The following CACNA2D3 variants were observed in gnomAD, a reference collection of about 807,000 sequenced individuals.
CACNA2D3 encodes the protein voltage-dependent calcium channel subunit alpha-2/delta-3.
CACNA2D3 carries 60 observed loss-of-function variants against 160.6 expected under a neutral mutation model. The ratio of observed to expected loss-of-function variants is 0.37; its 90% CI spans 0.30 to 0.46. The LOEUF (loss-of-function observed/expected upper bound fraction) is 0.46, where lower values mean the gene tolerates loss of function less well. Among genes scored for constraint, CACNA2D3 ranks in the 20% least tolerant of loss-of-function variants. CACNA2D3 has a pLI of 1.00. For missense variants in CACNA2D3, 1,205 were observed against 1,365.0 expected (o/e 0.88, Z 1.85); for synonymous variants, 558 against 492.9 (o/e 1.13, Z -1.75).
At chr3:54,871,658 C>A (rs1882317) in intron 18 of CACNA2D3, 36 bp downstream of exon 18, 1 of 1,502,806 alleles carries the variant, frequency 6.7e-7, no homozygotes, top group East Asian at 2.3e-5. Flanking sequence ...TGGAGAAGGA[C>A]CTGCATTGTA....
chr3:54,868,573 C>T (rs565377817), intron 17 of CACNA2D3, among the ~76,000 whole-genome samples: 78 of 152,232 alleles, frequency 5.1e-4, no homozygotes, highest in Admixed American at 9.1e-4. Context: ...GAATTCTCTG[C>T]TGATTCCACC....
chr3:54,928,073 A>C (rs115631296), intron 27 of CACNA2D3: 8,867 of 668,196 alleles, frequency 0.013, 84 homozygotes, highest in Middle Eastern at 0.02. Context: ...TGTTGCTTTC[A>C]AAAGACCATT....
chr3:54,900,138 A>G (rs996939381), intron 27 of CACNA2D3, among the ~76,000 whole-genome samples: 1 of 152,126 alleles, frequency 6.6e-6, no homozygotes, highest in Admixed American at 6.5e-5. Flanking sequence ...TGCCGAGGAG[A>G]ATTTCTTGAT....
intron 35 of CACNA2D3, among the ~76,000 whole-genome samples, chr3:55,032,652 C>T (rs983077599): frequency 1.3e-5 from 2 of 152,106 alleles, no homozygotes; most frequent in Non-Finnish European, 2.9e-5. Flanking sequence ...GTCACTTCCC[C>T]TCTTAGTTGC....
intron 11 of CACNA2D3, among the ~76,000 whole-genome samples, chr3:54,742,566 C>G (rs573475723): frequency 6.6e-6 from 1 of 152,288 alleles, no homozygotes; most frequent in African/African-American, 2.4e-5. Flanking sequence ...ACTTGTCCAC[C>G]CACTCAGCTC....
At chr3:54,652,155 G>A (rs1011963903) in intron 11 of CACNA2D3, among the ~76,000 whole-genome samples, 1 of 151,724 alleles carries the variant, frequency 6.6e-6, no homozygotes, top group Non-Finnish European at 1.5e-5. Context: ...CCACACGACC[G>A]TCACTCTGGC....
At chr3:54,748,850 T>C (rs1701806613) in intron 11 of CACNA2D3, among the ~76,000 whole-genome samples, 1 of 152,164 alleles carries the variant, frequency 6.6e-6, no homozygotes, top group Non-Finnish European at 1.5e-5. Flanking sequence ...GAAACTCCAG[T>C]TGTTGGAAAT....
chr3:54,866,238 G>A (rs113624801), intron 17 of CACNA2D3, among the ~76,000 whole-genome samples: 2 of 152,224 alleles, frequency 1.3e-5, no homozygotes, highest in Admixed American at 6.5e-5. Flanking sequence ...GAATGGATGA[G>A]TGAGTGAAGG....
chr3:54,550,320 T>C (rs547528860), intron 5 of CACNA2D3, among the ~76,000 whole-genome samples: 1 of 152,332 alleles, frequency 6.6e-6, no homozygotes, highest in East Asian at 1.9e-4. Flanking sequence ...GTGTGGTGTT[T>C]CCTTGCTGGG....
At chr3:54,147,743 ACT>A (rs1700062766) in intron 2 of CACNA2D3, among the ~76,000 whole-genome samples, 1 of 151,964 alleles carries the variant, frequency 6.6e-6, no homozygotes, top group African/African-American at 2.4e-5. Context: ...GTCCTGCTTG[ACT>A]CTGAGAGCCA....
intron 12 of CACNA2D3, among the ~76,000 whole-genome samples, chr3:54,756,814 G>A (rs1701979550): frequency 6.6e-6 from 1 of 152,150 alleles, no homozygotes; most frequent in Non-Finnish European, 1.5e-5. Flanking sequence ...GGAAATGAAT[G>A]TCTGGGGACA....
Position 55,007,953 on chromosome 3 carries a change from G to A in CACNA2D3, c.2819+111G>A, listed in dbSNP as rs1382400930. 6.0e-6 allele frequency: 4 copies of A among 671,880 alleles called. No individual in the cohort carries two copies. The South Asian group carries it at 6.8e-5, about 11-fold the overall frequency. The allele number at this position is 671,880 out of a possible 1,614,324, so 41.6% of individuals were successfully genotyped here. A position where few individuals can be genotyped will look rare whatever the true frequency, so the allele number is the denominator to read the frequency against. ...GCCTTCAATAACCATTAGATTCCTA[G>A]TACTCTGAGATAACTTCATTGAACA... On this transcript the variant is annotated intron_variant, in intron 33 of 37. Transcript: ENST00000474759.
At chr3:54,150,962 T>A (rs866651596) in intron 2 of CACNA2D3, among the ~76,000 whole-genome samples, 2 of 150,024 alleles carry the variant, frequency 1.3e-5, no homozygotes, top group Admixed American at 6.6e-5. Flanking sequence ...TAGGGTTGGA[T>A]AATGGATGGA....
chr3:54,167,071 C>A (rs980390850), intron 2 of CACNA2D3, among the ~76,000 whole-genome samples: 1 of 152,136 alleles, frequency 6.6e-6, no homozygotes, highest in African/African-American at 2.4e-5. Flanking sequence ...ACTCCCTTTG[C>A]GGAACAAGAA....
intron 4 of CACNA2D3, among the ~76,000 whole-genome samples, chr3:54,393,151 A>C (rs1044642360): frequency 2.0e-5 from 3 of 152,202 alleles, no homozygotes; most frequent in African/African-American, 7.2e-5. Flanking sequence ...GGGTCAGTTC[A>C]AAACCAGGAG....
chr3:54,582,802 G>C (rs940077310), intron 9 of CACNA2D3, among the ~76,000 whole-genome samples: 4 of 152,226 alleles, frequency 2.6e-5, no homozygotes, highest in African/African-American at 9.7e-5. Context: ...CTTAGATGCA[G>C]GTAGTAGAAG....
At chr3:54,811,687 G>C (rs2106701685) in intron 13 of CACNA2D3, among the ~76,000 whole-genome samples, 1 of 151,822 alleles carries the variant, frequency 6.6e-6, no homozygotes, top group East Asian at 2.0e-4. Context: ...TTTTAGTAGA[G>C]ACAGGGTTTC....
At chr3:54,195,373 T>C (rs1299096403) in intron 2 of CACNA2D3, among the ~76,000 whole-genome samples, 1 of 152,206 alleles carries the variant, frequency 6.6e-6, no homozygotes, top group Non-Finnish European at 1.5e-5. Flanking sequence ...CATCTCTGCT[T>C]TCCTTTACAC....
intron 35 of CACNA2D3, among the ~76,000 whole-genome samples, chr3:55,033,648 T>C (rs1164906674): frequency 1.5e-5 from 2 of 136,654 alleles, no homozygotes; most frequent in African/African-American, 5.3e-5. Context: ...ACCCTTAAAA[T>C]ATATATAAAA....
Sources: gnomAD v4.1 joint callset for allele counts (sites outside exome capture counted in the v4.1 genomes callset) on GRCh38, gnomAD v4.1.1 for gene constraint, MANE v1.5 for transcripts, NCBI Gene and HGNC (gene_info 2026-07-23, HGNC 2026-07-21) for gene names.